ARHGEF3: variants seen among roughly 807,000 people sequenced by gnomAD.
ARHGEF3 encodes Rho guanine nucleotide exchange factor 3.
A neutral mutation model predicts 63.2 loss-of-function variants in ARHGEF3; 28 were observed. That is an observed-to-expected ratio of 0.44 (90% CI 0.33 to 0.61). ARHGEF3 has a LOEUF of 0.61. Ranked by LOEUF, ARHGEF3 falls within the 20% of genes least tolerant of loss-of-function variation. The pLI is 0.03. For synonymous variants in ARHGEF3, 266 were observed against 254.2 expected (o/e 1.05, Z -0.44); for missense variants, 533 against 659.3 (o/e 0.81, Z 2.10).
intron 3 of ARHGEF3, among the ~76,000 whole-genome samples, chr3:56,953,089 C>T (rs922309657): frequency 4.6e-5 from 7 of 152,200 alleles, no homozygotes; most frequent in African/African-American, 1.4e-4. Flanking sequence ...ACTGCCACAG[C>T]CTGGCCTGGG....
intron 3 of ARHGEF3, chr3:56,882,438 G>A: frequency 9.7e-7 from 1 of 1,034,578 alleles, no homozygotes; most frequent in Non-Finnish European, 1.4e-6. Flanking sequence ...CAATCAAATA[G>A]CACATGCAAT....
chr3:57,041,487 G>T (rs1314644369), intron 1 of ARHGEF3, among the ~76,000 whole-genome samples: 2 of 152,152 alleles, frequency 1.3e-5, no homozygotes, highest in Non-Finnish European at 2.9e-5. Context: ...CCACCCTAAT[G>T]GGGTGTTAGG....
At chr3:56,768,378 A>G (rs2035825859) in intron 2 of ARHGEF3, among the ~76,000 whole-genome samples, 1 of 152,068 alleles carries the variant, frequency 6.6e-6, no homozygotes, top group Non-Finnish European at 1.5e-5. Flanking sequence ...AAATGATGTT[A>G]TATTATCAGA....
At chr3:56,731,843 G>A (rs907511754) in intron 9 of ARHGEF3, 1 of 322,778 alleles carries the variant, frequency 3.1e-6, no homozygotes, top group African/African-American at 2.1e-5. Context: ...GTCTCTTTAG[G>A]GACAAGTTTA....
intron 4 of ARHGEF3, among the ~76,000 whole-genome samples, chr3:56,820,374 A>G (rs1012845446): frequency 6.6e-6 from 1 of 152,206 alleles, no homozygotes; most frequent in Admixed American, 6.5e-5. Context: ...AGAGGAAAAC[A>G]TTAAAACACA....
intron 1 of ARHGEF3, among the ~76,000 whole-genome samples, chr3:57,075,646 C>CA (rs755039619): frequency 4.6e-5 from 7 of 151,832 alleles, no homozygotes; most frequent in Non-Finnish European, 7.4e-5. Flanking sequence ...CCCATCTCTA[C>CA]AAAAAATACA....
chr3:56,814,864 T>A (rs2038208280), intron 4 of ARHGEF3, among the ~76,000 whole-genome samples: 1 of 152,244 alleles, frequency 6.6e-6, no homozygotes, highest in South Asian at 2.1e-4. Context: ...TGCAGTGGCT[T>A]ACACCTATAA....
intron 4 of ARHGEF3, among the ~76,000 whole-genome samples, chr3:56,863,865 G>A (rs1394611948): frequency 3.3e-5 from 5 of 152,212 alleles, no homozygotes; most frequent in Non-Finnish European, 7.3e-5. Flanking sequence ...GAGACCCAGA[G>A]AGGTGAAGCA....
rs533497627 is a variant in ARHGEF3 at position 56,845,796 on chromosome 3, A to G, written c.192+36496T>C. 1.0e-3 allele frequency among the ~76,000 whole-genome samples: 156 copies of G among 152,322 alleles called. 1 individual carries two copies. The highest frequency in any genetic ancestry group is 3.7e-3 in the South Asian group (18 of 4,820). The stretch of plus-strand genomic sequence containing the variant: ...GAGACTCAAAGCCAAACCCTGTAGG[A>G]AGGCCCCAGAGCCAGGTTTGTTGAA... On this transcript the variant is annotated intron_variant, in intron 4 of 12. Transcript: ENST00000338458.
At position 57,029,471 on chromosome 3, in the gene ARHGEF3, T is replaced by C. The variant is rs143994621; in HGVS notation, c.62+5617A>G. Among the ~76,000 whole-genome samples the C allele has an allele frequency of 3.2e-3, 492 of 151,914 alleles. 3 individuals are homozygous for C. Among genetic ancestry groups the C allele is most frequent in the Non-Finnish European group, 4.1e-3 (281 of 67,976 alleles). ...TACTTACCTCATTGTCCTGATCACA[T>C]AGTTGAAGGACTGGGTGAAGGCTCA... On this transcript the variant is annotated intron_variant, in intron 2 of 12. Coordinates refer to the ARHGEF3 transcript ENST00000338458.
At chr3:56,945,407 T>C (rs915551477) in intron 3 of ARHGEF3, among the ~76,000 whole-genome samples, 3 of 152,048 alleles carry the variant, frequency 2.0e-5, no homozygotes, top group African/African-American at 7.2e-5. Context: ...GAAAATTGGG[T>C]CACTCCCACC....
In ARHGEF3 at chr3:56,789,395, C is replaced by T. The variant is rs145436989; in HGVS notation, c.96+12308G>A. On this transcript the variant is annotated intron_variant, in intron 1 of 9. Transcript: ENST00000296315. Reference sequence around the variant, plus strand: ...GCTGGCACTTTGGCATGTTCTTTGACGCTTTGAAAAGAAAAAGATTTATGT... The same window carrying T: ...GCTGGCACTTTGGCATGTTCTTTGATGCTTTGAAAAGAAAAAGATTTATGT... Among the ~76,000 whole-genome samples the T allele has an allele frequency of 3.8e-3, 575 of 152,304 alleles. 3 individuals carry two copies. The highest frequency in any genetic ancestry group is 0.013 in the African/African-American group (525 of 41,570).
intron 4 of ARHGEF3, among the ~76,000 whole-genome samples, chr3:56,824,326 G>A (rs2038632783): frequency 1.3e-5 from 2 of 152,204 alleles, no homozygotes; most frequent in African/African-American, 4.8e-5. Flanking sequence ...GTAAGAATGG[G>A]ACATAACAAT....
intron 3 of ARHGEF3, among the ~76,000 whole-genome samples, chr3:56,894,567 AC>A (rs1480157296): frequency 1.3e-5 from 2 of 151,934 alleles, no homozygotes; most frequent in African/African-American, 4.8e-5. Flanking sequence ...AGCAGGGAGG[AC>A]TGCTTGAACC....
intron 3 of ARHGEF3, among the ~76,000 whole-genome samples, chr3:56,903,686 G>A (rs777677328): frequency 3.3e-5 from 5 of 152,068 alleles, no homozygotes; most frequent in Non-Finnish European, 5.9e-5. Context: ...TTTGTTTCCC[G>A]GTAGTTTATT....
At chr3:56,991,968 CATA>C (rs1335660535) in intron 2 of ARHGEF3, among the ~76,000 whole-genome samples, 2 of 151,600 alleles carry the variant, frequency 1.3e-5, no homozygotes, top group Admixed American at 6.6e-5. Flanking sequence ...TTCTTTTTTC[CATA>C]ATATTTTTCC....
intron 1 of ARHGEF3, among the ~76,000 whole-genome samples, chr3:57,037,560 T>C (rs1704012747): frequency 6.6e-6 from 1 of 152,246 alleles, no homozygotes; most frequent in African/African-American, 2.4e-5. Context: ...AAAAATATTC[T>C]GTAGACAGGC....
intron 2 of ARHGEF3, among the ~76,000 whole-genome samples, chr3:56,977,659 T>C (rs1382988737): frequency 6.6e-6 from 1 of 152,080 alleles, no homozygotes; most frequent in Non-Finnish European, 1.5e-5. Flanking sequence ...TGCAGAGAAA[T>C]GGAGATTTGC....
In ARHGEF3 at chr3:56,993,346, T is replaced by C. The variant is rs142952715; in HGVS notation, c.63-34457A>G. 1.4e-3 allele frequency among the ~76,000 whole-genome samples: 218 copies of C among 152,208 alleles called. 2 individuals carry two copies. The highest frequency in any genetic ancestry group is 5.1e-3 in the African/African-American group (210 of 41,538). On this transcript the variant is annotated intron_variant, in intron 2 of 12. Transcript: ENST00000338458. ...CCCCAACCAGAGGCTGATCCTTAAC[T>C]ATATAACTTTGTGGGGGTTTTTTGT...
Sources: allele counts gnomAD v4.1 joint callset (sites outside exome capture counted in the v4.1 genomes callset), GRCh38; gene constraint gnomAD v4.1.1; transcripts MANE v1.5; gene names NCBI Gene and HGNC (gene_info 2026-07-23, HGNC 2026-07-21).